The following TRIQK variants were observed in gnomAD, a reference collection of about 807,000 sequenced individuals.
TRIQK encodes triple QxxK/R motif-containing protein.
TRIQK carries 10 observed loss-of-function variants against 10.8 expected under a neutral mutation model. That is an observed-to-expected ratio of 0.92 (90% CI 0.57 to 1.57). TRIQK has a LOEUF of 1.57. TRIQK is among the 40% of genes most tolerant of loss of function. The probability of loss-of-function intolerance (pLI) is 0.00; values close to 1 mark genes in which losing one functional copy is unlikely to be tolerated. For missense variants in TRIQK, 107 were observed against 97.7 expected (o/e 1.09, Z -0.40); for synonymous variants, 33 against 33.7 (o/e 0.98, Z 0.07).
intron 1 of TRIQK, among the ~76,000 whole-genome samples, chr8:93,000,882 T>TTAAA (rs752080524): frequency 7.4e-5 from 9 of 122,186 alleles, no homozygotes; most frequent in African/African-American, 2.5e-4. Context: ...CACAAAGGAT[T>TTAAA]AAAAAAAAAA....
intron 3 of TRIQK, among the ~76,000 whole-genome samples, chr8:92,904,769 G>A (rs1001361105): frequency 6.6e-6 from 1 of 152,124 alleles, no homozygotes; most frequent in Non-Finnish European, 1.5e-5. Flanking sequence ...ACAATGATAT[G>A]ATGTAAGTCT....
At chr8:92,987,838 A>G (rs1488775689) in intron 1 of TRIQK, among the ~76,000 whole-genome samples, 1 of 152,032 alleles carries the variant, frequency 6.6e-6, no homozygotes, top group African/African-American at 2.4e-5. Context: ...CAAGCTAATA[A>G]ACAGAATATT....
At chr8:92,912,218 C>G (rs961721464) in intron 3 of TRIQK, among the ~76,000 whole-genome samples, 9 of 151,676 alleles carry the variant, frequency 5.9e-5, no homozygotes, top group Non-Finnish European at 1.2e-4. Flanking sequence ...TGAAATTACT[C>G]CAAGTATCTT....
intron 2 of TRIQK, among the ~76,000 whole-genome samples, chr8:92,919,464 C>G (rs1029123121): frequency 6.6e-6 from 1 of 151,842 alleles, no homozygotes; most frequent in Non-Finnish European, 1.5e-5. Context: ...GTATGTTGAA[C>G]CATCCCTGCA....
At chr8:92,997,738 G>T (rs2130754445) in intron 1 of TRIQK, among the ~76,000 whole-genome samples, 1 of 152,168 alleles carries the variant, frequency 6.6e-6, no homozygotes, top group East Asian at 1.9e-4. Flanking sequence ...GAATAATTGA[G>T]TGAATGAATG....
At position 92,961,663 on chromosome 8, in the gene TRIQK, A is replaced by G. The variant is rs76220204; in HGVS notation, c.-181+4344T>C. ...AATTAGGACTTTGCCACAGGTATCC[A>G]TATAGTTCATTATTCCATACCCTGC... On this transcript the variant is annotated intron_variant, in intron 1 of 4. Coordinates refer to ENST00000521988, the MANE Select transcript of TRIQK (RefSeq NM_001171797.2). Among the ~76,000 whole-genome samples, 293 of 152,326 alleles carry G rather than the reference A, an allele frequency of 1.9e-3. 4 individuals are homozygous for G. Among genetic ancestry groups the G allele is most frequent in the African/African-American group, 6.8e-3 (283 of 41,588 alleles).
chr8:92,976,685 C>A (rs973584221), intron 1 of TRIQK, among the ~76,000 whole-genome samples: 10 of 151,894 alleles, frequency 6.6e-5, no homozygotes, highest in Non-Finnish European at 1.5e-4. Flanking sequence ...TGTTTATTTT[C>A]TATACGTTCA....
chr8:92,935,323 C>T (rs1810932043), intron 2 of TRIQK, among the ~76,000 whole-genome samples: 1 of 151,748 alleles, frequency 6.6e-6, no homozygotes, highest in South Asian at 2.1e-4. Flanking sequence ...AACACTTCAA[C>T]AGCAAATGTT....
At chr8:92,914,785 G>A (rs1478408557) in intron 3 of TRIQK, among the ~76,000 whole-genome samples, 1 of 151,966 alleles carries the variant, frequency 6.6e-6, no homozygotes. Flanking sequence ...TATATTCTTA[G>A]TAGAAATGGA....
intron 1 of TRIQK, among the ~76,000 whole-genome samples, chr8:92,961,281 G>A (rs6994497): frequency 0.1 from 15,362 of 152,086 alleles, 1,828 homozygotes; most frequent in African/African-American, 0.28. Context: ...AGGGGACGGT[G>A]TTGAGGGGAG....
chr8:92,909,858 A>T (rs553394364), intron 3 of TRIQK, among the ~76,000 whole-genome samples: 1 of 151,778 alleles, frequency 6.6e-6, no homozygotes, highest in South Asian at 2.1e-4. Context: ...CAAGGTACCC[A>T]TGGGGATGTA....
At chr8:92,917,579 C>T (rs904748317) in intron 2 of TRIQK, among the ~76,000 whole-genome samples, 1 of 151,770 alleles carries the variant, frequency 6.6e-6, no homozygotes, top group African/African-American at 2.4e-5. Context: ...ATGCACTGTT[C>T]GATTTAATCT....
intron 1 of TRIQK, among the ~76,000 whole-genome samples, chr8:92,960,892 T>G (rs1171205510): frequency 6.6e-6 from 1 of 152,228 alleles, no homozygotes; most frequent in Non-Finnish European, 1.5e-5. Context: ...TAATGTGTTA[T>G]AAGAGGAACA....
intron 2 of TRIQK, among the ~76,000 whole-genome samples, chr8:92,945,211 T>C (rs1811469148): frequency 6.6e-6 from 1 of 152,134 alleles, no homozygotes; most frequent in South Asian, 2.1e-4. Flanking sequence ...CACTGGCCAT[T>C]ACCTTCAACT....
At chr8:92,976,392 T>C (rs1295237986) in intron 1 of TRIQK, among the ~76,000 whole-genome samples, 1 of 152,020 alleles carries the variant, frequency 6.6e-6, no homozygotes. Context: ...TGAAATGACA[T>C]TTTTCATCCC....
At position 92,949,866 on chromosome 8, in the gene TRIQK, AAGGG is replaced by A. The variant is rs546805288; in HGVS notation, c.-22+4536_-22+4539del. Among the ~76,000 whole-genome samples, 97 of 141,222 alleles carry A rather than the reference AAGGG, an allele frequency of 6.9e-4. No homozygotes were observed. In the South Asian group the frequency reaches 8.4e-3, roughly 12 times the overall value. The allele number at this position is 141,222 out of a possible 152,430, so 92.6% of individuals were successfully genotyped here. Reference sequence around the variant, plus strand: ...AGGGAGAGAAAAGAAAAGAGAAAGGAAGGGAGGGAGGGAGGGAGGAAGGAAGGAA... The same window carrying A: ...AGGGAGAGAAAAGAAAAGAGAAAGGAAGGGAGGGAGGGAGGAAGGAAGGAA... On this transcript the variant is annotated intron_variant, in intron 2 of 4. Coordinates refer to ENST00000521988, the MANE Select transcript of TRIQK (RefSeq NM_001171797.2).
At chr8:92,892,288 A>G (rs1816807413) in intron 3 of TRIQK, among the ~76,000 whole-genome samples, 1 of 151,890 alleles carries the variant, frequency 6.6e-6, no homozygotes, top group African/African-American at 2.4e-5. Context: ...GACATCTTCA[A>G]TTTGCTGTAT....
At chr8:92,928,552 G>A (rs1810560049) in intron 2 of TRIQK, among the ~76,000 whole-genome samples, 1 of 152,152 alleles carries the variant, frequency 6.6e-6, no homozygotes. Flanking sequence ...TAAAGTATAT[G>A]GATCTCCAGT....
At chr8:93,004,043 G>A (rs980812879) in intron 1 of TRIQK, among the ~76,000 whole-genome samples, 1 of 152,200 alleles carries the variant, frequency 6.6e-6, no homozygotes, top group African/African-American at 2.4e-5. Context: ...GCTGTTTGTG[G>A]ATTTACCATT....
Sources: allele counts gnomAD v4.1 joint callset (sites outside exome capture counted in the v4.1 genomes callset), GRCh38; gene constraint gnomAD v4.1.1; transcripts MANE v1.5; gene names NCBI Gene and HGNC (gene_info 2026-07-23, HGNC 2026-07-21).